CSMD1: variants seen among roughly 807,000 people sequenced by gnomAD.
The protein encoded by CSMD1 is CUB and Sushi multiple domains 1, also known as CUB and sushi domain-containing protein 1.
In CSMD1, 213 loss-of-function variants were observed where a neutral mutation model predicts 417.5. The ratio of observed to expected loss-of-function variants is 0.51; its 90% CI spans 0.46 to 0.57. The LOEUF (loss-of-function observed/expected upper bound fraction) is 0.57, where lower values mean the gene tolerates loss of function less well. Among genes scored for constraint, CSMD1 ranks in the 20% least tolerant of loss-of-function variants. The pLI is 0.00. For missense variants in CSMD1, 6,923 were observed against 4,529.7 expected, an observed-to-expected ratio of 1.53 and a Z score of -15.17; for synonymous variants, 2,862 against 1,736.8, an observed-to-expected ratio of 1.65 and a Z score of -16.11.
At chr8:3,943,411 T>C (rs1253460475) in intron 5 of CSMD1, among the ~76,000 whole-genome samples, 3 of 88,546 alleles carry the variant, frequency 3.4e-5, no homozygotes, top group African/African-American at 1.1e-4. Flanking sequence ...TTATAAGTTG[T>C]TTTTTTTTCA....
intron 1 of CSMD1, among the ~76,000 whole-genome samples, chr8:4,793,600 C>A (rs1266032774): frequency 2.0e-5 from 3 of 151,746 alleles, no homozygotes; most frequent in Non-Finnish European, 2.9e-5. Flanking sequence ...AGGCATTGCT[C>A]ACTATCATAC....
intron 7 of CSMD1, among the ~76,000 whole-genome samples, chr8:3,622,910 AAG>A (rs1449469978): frequency 4.6e-5 from 7 of 152,206 alleles, no homozygotes; most frequent in African/African-American, 1.4e-4. Context: ...AACATTTTCA[AAG>A]AGAGGAATTA....
chr8:4,671,779 G>C (rs1230914806), intron 1 of CSMD1, among the ~76,000 whole-genome samples: 1 of 152,122 alleles, frequency 6.6e-6, no homozygotes, highest in Non-Finnish European at 1.5e-5. Flanking sequence ...AAGCATGCCT[G>C]CTTTCCTCCA....
At chr8:3,495,746 A>G (rs182136651) in intron 10 of CSMD1, among the ~76,000 whole-genome samples, 1 of 152,344 alleles carries the variant, frequency 6.6e-6, no homozygotes, top group Admixed American at 6.5e-5. Context: ...AAAACTGAAG[A>G]CAAAAGGATA....
rs1436277786 is a variant in CSMD1, at chr8:3,262,208, T to C, written c.4153+21936A>G. On this transcript the variant is annotated intron_variant, in intron 26 of 69. Coordinates refer to ENST00000635120, the MANE Select transcript of CSMD1 (RefSeq NM_033225.6). Reference sequence around the variant, plus strand: ...GAATATATATATATATATATATATATATATATATATATATATATATATACA... The same window carrying C: ...GAATATATATATATATATATATATACATATATATATATATATATATATACA... Among the ~76,000 whole-genome samples the C allele has an allele frequency of 8.0e-5, 9 of 112,764 alleles. 1 individual carries two copies. Among genetic ancestry groups the C allele is most frequent in the South Asian group, 2.6e-4 (1 of 3,784 alleles). 74.0% of individuals were successfully genotyped at this position (112,764 alleles called of 152,430 possible). A position where few individuals can be genotyped will look rare whatever the true frequency, so the allele number is the denominator to read the frequency against.
chr8:4,439,775 C>G (rs765051880), intron 2 of CSMD1, among the ~76,000 whole-genome samples: 8 of 151,972 alleles, frequency 5.3e-5, no homozygotes, highest in Admixed American at 1.3e-4. Flanking sequence ...GAATCCTAAG[C>G]CTACAAATAG....
intron 5 of CSMD1, among the ~76,000 whole-genome samples, chr8:3,919,966 T>C (rs1809113497): frequency 6.6e-6 from 1 of 152,158 alleles, no homozygotes; most frequent in South Asian, 2.1e-4. Context: ...CTTGTATTTT[T>C]AGTGTGTAAT....
At chr8:4,226,300 A>G (rs1206084138) in intron 3 of CSMD1, among the ~76,000 whole-genome samples, 2 of 152,238 alleles carry the variant, frequency 1.3e-5, no homozygotes, top group Non-Finnish European at 2.9e-5. Context: ...ATAGTTGTTG[A>G]CATTCAAAAA....
At chr8:4,069,642 G>C (rs1283988753) in intron 3 of CSMD1, among the ~76,000 whole-genome samples, 1 of 152,134 alleles carries the variant, frequency 6.6e-6, no homozygotes, top group Non-Finnish European at 1.5e-5. Flanking sequence ...AGCCTCTGCA[G>C]CTTCCTGGGC....
intron 3 of CSMD1, among the ~76,000 whole-genome samples, chr8:4,268,233 G>C (rs977324637): frequency 1.3e-5 from 2 of 152,090 alleles, no homozygotes; most frequent in Admixed American, 1.3e-4. Flanking sequence ...ATAATTGTAA[G>C]GTGAGCAAAA....
At chr8:4,149,045 C>T (rs980765002) in intron 3 of CSMD1, among the ~76,000 whole-genome samples, 5 of 151,656 alleles carry the variant, frequency 3.3e-5, no homozygotes, top group African/African-American at 1.2e-4. Flanking sequence ...CTCACTGCAA[C>T]CTCCACCTCC....
intron 8 of CSMD1, among the ~76,000 whole-genome samples, chr8:3,604,118 C>T (rs770865792): frequency 6.6e-6 from 1 of 152,140 alleles, no homozygotes; most frequent in African/African-American, 2.4e-5. Flanking sequence ...GTACTGAACA[C>T]TGGAAACATG....
At chr8:3,253,744 C>T (rs546722152) in intron 26 of CSMD1, among the ~76,000 whole-genome samples, 111 of 152,194 alleles carry the variant, frequency 7.3e-4, no homozygotes, top group African/African-American at 2.5e-3. Flanking sequence ...TTCCTCCATC[C>T]TTTTATTTTG....
At chr8:3,961,759 A>C (rs1257113068) in intron 5 of CSMD1, among the ~76,000 whole-genome samples, 1 of 152,224 alleles carries the variant, frequency 6.6e-6, no homozygotes, top group Non-Finnish European at 1.5e-5. Flanking sequence ...GTCTTTCATG[A>C]TGAAGGCATC....
chr8:4,106,288 G>C (rs567758664), intron 3 of CSMD1, among the ~76,000 whole-genome samples: 1 of 152,074 alleles, frequency 6.6e-6, no homozygotes, highest in Non-Finnish European at 1.5e-5. Flanking sequence ...TCTGTGGGTG[G>C]GAAAATACGT....
chr8:3,338,924 C>T (rs1029434397), intron 23 of CSMD1, among the ~76,000 whole-genome samples: 3 of 150,792 alleles, frequency 2.0e-5, no homozygotes, highest in East Asian at 2.0e-4. Context: ...CATGCTGGTG[C>T]GCTGCACCCA....
At chr8:4,192,751 C>G (rs144782312) in intron 3 of CSMD1, among the ~76,000 whole-genome samples, 50 of 152,316 alleles carry the variant, frequency 3.3e-4, no homozygotes, top group African/African-American at 1.2e-3. Flanking sequence ...TTAGTGACTT[C>G]TATCATTTCC....
intron 5 of CSMD1, among the ~76,000 whole-genome samples, chr8:3,972,369 C>G (rs1046098016): frequency 7.2e-5 from 11 of 152,094 alleles, no homozygotes; most frequent in African/African-American, 2.7e-4. Flanking sequence ...TTTGCTAAAG[C>G]TCTTTTTTCT....
intron 5 of CSMD1, among the ~76,000 whole-genome samples, chr8:3,767,159 G>C (rs189822368): frequency 6.6e-6 from 1 of 152,196 alleles, no homozygotes; most frequent in Non-Finnish European, 1.5e-5. Context: ...GTCTGTCTGT[G>C]CTGTGCTTCT....
Sources: gnomAD v4.1 joint callset for allele counts (sites outside exome capture counted in the v4.1 genomes callset) on GRCh38, gnomAD v4.1.1 for gene constraint, MANE v1.5 for transcripts, NCBI Gene and HGNC (gene_info 2026-07-23, HGNC 2026-07-21) for gene names.